CNN3: variants seen among roughly 807,000 people sequenced by gnomAD.
CNN3 encodes calponin-3.
CNN3 carries 11 observed loss-of-function variants against 39.0 expected under a neutral mutation model. The observed-to-expected ratio is 0.28, with a 90% CI of 0.18 to 0.47. CNN3 has a LOEUF of 0.47. Ranked by LOEUF, CNN3 falls within the 20% of genes least tolerant of loss-of-function variation. The probability of loss-of-function intolerance (pLI) is 0.99; values close to 1 mark genes in which losing one functional copy is unlikely to be tolerated. For synonymous variants in CNN3, 101 were observed against 138.3 expected, an observed-to-expected ratio of 0.73 and a Z score of 1.89; for missense variants, 266 against 403.4, an observed-to-expected ratio of 0.66 and a Z score of 2.92.
chr1:94,897,613 G>C lies in CNN3; in HGVS notation c.*129C>G. The C allele has an allele frequency of 1.2e-6, 1 of 822,738 alleles. No homozygotes were observed. The allele number at this position is 822,738 out of a possible 1,614,324, so 51.0% of individuals were successfully genotyped here. On this transcript the variant is annotated 3_prime_UTR_variant, in exon 7 of 7. Transcript: ENST00000370206. ...AAAAGGAAAAAGGAATGTACGTAAG[G>C]CAATTTTTCTTAAAAGTACAATAAG...
At chr1:94,905,991 A>AT (rs1015916446) in intron 1 of CNN3, among the ~76,000 whole-genome samples, 9 of 151,690 alleles carry the variant, frequency 5.9e-5, no homozygotes, top group South Asian at 2.1e-4. Flanking sequence ...TTTTAAAAAT[A>AT]TTTTTTTTTG....
At chr1:94,915,851 T>C (rs978710893) in intron 1 of CNN3, among the ~76,000 whole-genome samples, 12 of 152,302 alleles carry the variant, frequency 7.9e-5, no homozygotes, top group Middle Eastern at 3.4e-3. Flanking sequence ...AGGAGCAAAG[T>C]GACACCCCTA....
intron 3 of CNN3, 131 bp downstream of exon 3, chr1:94,902,991 T>A: frequency 1.7e-6 from 1 of 600,192 alleles, no homozygotes. Context: ...TGCTACAATG[T>A]CTATGTAAAA....
At chr1:94,898,490 A>G (rs1670781412) in intron 6 of CNN3, among the ~76,000 whole-genome samples, 2 of 152,200 alleles carry the variant, frequency 1.3e-5, no homozygotes, top group South Asian at 2.1e-4. Context: ...GACCACATAC[A>G]TTATCTGGGT....
intron 1 of CNN3, among the ~76,000 whole-genome samples, chr1:94,915,746 G>T (rs1269989295): frequency 6.6e-6 from 1 of 152,208 alleles, no homozygotes; most frequent in African/African-American, 2.4e-5. Flanking sequence ...AGCCCAATCA[G>T]CAGTGCGCTC....
At chr1:94,917,000 T>C (rs1016937947) in intron 1 of CNN3, among the ~76,000 whole-genome samples, 1 of 152,196 alleles carries the variant, frequency 6.6e-6, no homozygotes, top group African/African-American at 2.4e-5. Flanking sequence ...TGATAAGATA[T>C]CATTTTAAAG....
At chr1:94,898,133 C>A in intron 6 of CNN3, 50 bp from the exon 7 acceptor site, 2 of 1,481,340 alleles carry the variant, frequency 1.4e-6, no homozygotes, top group South Asian at 1.2e-5. Flanking sequence ...AGAATCTATT[C>A]TTGTGAATAA....
chr1:94,921,407 A>G (rs1245240042), intron 1 of CNN3, among the ~76,000 whole-genome samples: 3 of 152,142 alleles, frequency 2.0e-5, no homozygotes, highest in South Asian at 2.1e-4. Context: ...AAAAATAAAA[A>G]AGAGAGAGAA....
chr1:94,915,052 T>A (rs867418528), intron 1 of CNN3, among the ~76,000 whole-genome samples: 106 of 152,318 alleles, frequency 7.0e-4, no homozygotes, highest in African/African-American at 2.4e-3. Flanking sequence ...GCTACCTTTT[T>A]AAAAATGTTT....
At position 94,900,677 on chromosome 1, in the gene CNN3, C is replaced by A. The variant is rs551316563; in HGVS notation, c.501+992G>T. On this transcript the variant is annotated intron_variant, in intron 5 of 6. Coordinates refer to ENST00000370206, the MANE Select transcript of CNN3 (RefSeq NM_001839.5). ...CAGTAGAAAGGGGCACTGTATCAAGCAGGTACAGTGGCTTTTGGAGAGTAA... is the reference window on the plus strand; with the variant it reads ...CAGTAGAAAGGGGCACTGTATCAAGAAGGTACAGTGGCTTTTGGAGAGTAA... Among the ~76,000 whole-genome samples, 3 of 152,246 alleles carry A rather than the reference C, an allele frequency of 2.0e-5. No homozygotes were observed. The South Asian group carries it at 6.2e-4, about 32-fold the overall frequency.
intron 1 of CNN3, among the ~76,000 whole-genome samples, chr1:94,920,952 C>T (rs1385582736): frequency 6.6e-6 from 1 of 152,154 alleles, no homozygotes; most frequent in Non-Finnish European, 1.5e-5. Context: ...AAGTTAAGAG[C>T]CCATTTGGGC....
intron 1 of CNN3, among the ~76,000 whole-genome samples, chr1:94,907,752 T>C (rs996953331): frequency 2.0e-4 from 31 of 152,154 alleles, no homozygotes; most frequent in East Asian, 3.9e-4. Flanking sequence ...CCCAGCTACT[T>C]GGGAGGCTGA....
chr1:94,915,770 A>C (rs2101734541), intron 1 of CNN3, among the ~76,000 whole-genome samples: 1 of 152,342 alleles, frequency 6.6e-6, no homozygotes, highest in South Asian at 2.1e-4. Flanking sequence ...GGGAGGGCTT[A>C]GCCTGGGCCA....
At chr1:94,911,283 G>A (rs928924030) in intron 1 of CNN3, among the ~76,000 whole-genome samples, 12 of 152,092 alleles carry the variant, frequency 7.9e-5, no homozygotes, top group Non-Finnish European at 1.2e-4. Context: ...AATCATGCTC[G>A]CCTCAGGTAA....
chr1:94,903,617 AC>A, intron 1 of CNN3, 93 bp from the exon 2 acceptor site: 1 of 1,528,754 alleles, frequency 6.5e-7, no homozygotes, highest in Non-Finnish European at 8.9e-7. Flanking sequence ...AGCCATTAAG[AC>A]CACAGCTGTG....
intron 5 of CNN3, among the ~76,000 whole-genome samples, chr1:94,899,957 T>C (rs1289945790): frequency 6.6e-6 from 1 of 152,184 alleles, no homozygotes; most frequent in Non-Finnish European, 1.5e-5. Context: ...TCTGGGAGCT[T>C]AACAAGGGCT....
intron 5 of CNN3, among the ~76,000 whole-genome samples, chr1:94,899,850 CGG>C (rs1670818188): frequency 6.6e-6 from 1 of 152,210 alleles, no homozygotes; most frequent in South Asian, 2.1e-4. Context: ...GTACCAGCTT[CGG>C]TTATTTCAAC....
rs924800875 is a variant in CNN3 at position 94,898,021 on chromosome 1, C to T, written c.711G>A (p.Pro237=). The T allele has an allele frequency of 2.4e-5, 39 of 1,613,860 alleles. No homozygotes were observed. The highest frequency in any genetic ancestry group is 1.6e-4 in the Middle Eastern group (1 of 6,066). Residue 237 remains proline, a synonymous_variant, in exon 7 of 7, where the codon CCG becomes CCA. Coordinates refer to ENST00000370206, the MANE Select transcript of CNN3 (RefSeq NM_001839.5). ...DIYDQKLTLQ[P]VDNSTISLQM... is the part of the protein sequence containing the mutation. ...GTAGGGAAATTGTCGAGTTGTCCAC[C>T]GGCTGTAATGTTAGCTTCTGATCAT...
At chr1:94,911,879 C>T (rs997674254) in intron 1 of CNN3, among the ~76,000 whole-genome samples, 8 of 151,958 alleles carry the variant, frequency 5.3e-5, no homozygotes, top group South Asian at 2.1e-4. Flanking sequence ...AGCTCAACTT[C>T]GCTAACATGG....
Sources: gnomAD v4.1 joint callset for allele counts (sites outside exome capture counted in the v4.1 genomes callset) on GRCh38, gnomAD v4.1.1 for gene constraint, MANE v1.5 for transcripts, NCBI Gene and HGNC (gene_info 2026-07-23, HGNC 2026-07-21) for gene names.